Variants in BMPR2 observed in about 807,000 individuals in gnomAD.
The protein encoded by BMPR2 is bone morphogenetic protein receptor type-2.
BMPR2 carries 29 observed loss-of-function variants against 100.8 expected under a neutral mutation model. The ratio of observed to expected loss-of-function variants is 0.29; its 90% confidence interval spans 0.21 to 0.39. The LOEUF (loss-of-function observed/expected upper bound fraction) is 0.39. BMPR2 is among the 10% of genes least tolerant of loss of function. BMPR2 has a pLI of 1.00. For synonymous variants in BMPR2, 382 were observed against 442.3 expected, an observed-to-expected ratio of 0.86 and a Z score of 1.71; for missense variants, 1,011 against 1,274.5, an observed-to-expected ratio of 0.79 and a Z score of 3.15.
At chr2:202,494,355 C>G (rs1337690514) in intron 3 of BMPR2, among the ~76,000 whole-genome samples, 1 of 152,214 alleles carries the variant, frequency 6.6e-6, no homozygotes, top group Non-Finnish European at 1.5e-5. Flanking sequence ...TTAAGCTTCC[C>G]TTTGCTGCTT....
intron 7 of BMPR2, among the ~76,000 whole-genome samples, chr2:202,521,844 TATAAC>T (rs1161477822): frequency 3.9e-5 from 6 of 151,922 alleles, no homozygotes; most frequent in African/African-American, 7.3e-5. Context: ...AAGAAAAAAA[TATAAC>T]AGGAAGAATA....
chr2:202,442,238 A>G (rs1691762286), intron 1 of BMPR2, among the ~76,000 whole-genome samples: 1 of 150,240 alleles, frequency 6.7e-6, no homozygotes, highest in African/African-American at 2.5e-5. Flanking sequence ...TCTTGTACTC[A>G]TTAGCAGTTA....
chr2:202,542,213 A>G (rs1440983760), intron 9 of BMPR2, 98 bp from the exon 10 acceptor site: 13 of 1,415,884 alleles, frequency 9.2e-6, no homozygotes, highest in Non-Finnish European at 1.2e-5. Context: ...TTGTGACACA[A>G]TTTTTTTTGC....
intron 3 of BMPR2, among the ~76,000 whole-genome samples, chr2:202,501,889 C>G (rs183639678): frequency 1.3e-5 from 2 of 152,200 alleles, no homozygotes; most frequent in African/African-American, 2.4e-5. Context: ...AGACTTAGGC[C>G]GCCCGAGATG....
At position 202,555,623 on chromosome 2, in the gene BMPR2, C is replaced by T; in HGVS notation, c.1958C>T (p.Pro653Leu). The T allele has an allele frequency of 6.2e-7, 1 of 1,614,134 alleles. No individual in the cohort carries two copies. The highest frequency in any genetic ancestry group is 8.5e-7 in the Non-Finnish European group (1 of 1,180,028). ...TNVAQSIGPT[P>L]VCLQLTEEDL... Reference sequence around the variant, plus strand: ...GTTGCACAGTCAATTGGGCCAACCCCTGTCTGCTTACAGCTGACAGAAGAA... The same window carrying T: ...GTTGCACAGTCAATTGGGCCAACCCTTGTCTGCTTACAGCTGACAGAAGAA... Residue 653 changes from proline to leucine, a missense_variant, in exon 12 of 13, where the codon CCT (proline) becomes CTT (leucine). Physicochemically the swap from Pro to Leu is moderately conservative, Grantham distance 98. Coordinates refer to ENST00000374580, the MANE Select transcript of BMPR2 (RefSeq NM_001204.7).
At chr2:202,399,469 G>A (rs1692973754) in intron 1 of BMPR2, among the ~76,000 whole-genome samples, 1 of 152,194 alleles carries the variant, frequency 6.6e-6, no homozygotes, top group South Asian at 2.1e-4. Context: ...GGTTAGACAG[G>A]CAGGCAGGAG....
At chr2:202,508,730 C>A (rs998314281) in intron 3 of BMPR2, among the ~76,000 whole-genome samples, 1 of 152,202 alleles carries the variant, frequency 6.6e-6, no homozygotes, top group African/African-American at 2.4e-5. Flanking sequence ...CACTCCACTT[C>A]TGTATATAGT....
In BMPR2 at chr2:202,377,099, C is replaced by G. The variant is rs973904281; in HGVS notation, c.-376C>G. ...CGACCCCGGATCGAATCCCCGCCCT[C>G]CGCACCCTGGATATGTTTTCTCCCA... On this transcript the variant is annotated 5_prime_UTR_variant, in exon 1 of 13. Coordinates refer to ENST00000374580, the MANE Select transcript of BMPR2 (RefSeq NM_001204.7). 1.8e-6 allele frequency: 1 copy of G among 546,294 alleles called. No individual in the cohort carries two copies. Among genetic ancestry groups the G allele is most frequent in the African/African-American group, 1.9e-5 (1 of 52,030 alleles). 33.8% of individuals were successfully genotyped at this position (546,294 alleles called of 1,614,324 possible).
At chr2:202,506,570 G>A (rs1687524522) in intron 3 of BMPR2, among the ~76,000 whole-genome samples, 1 of 151,980 alleles carries the variant, frequency 6.6e-6, no homozygotes, top group Non-Finnish European at 1.5e-5. Flanking sequence ...GTCACGTTGG[G>A]GATTTAGGCT....
At chr2:202,548,626 C>T (rs1688417603) in intron 10 of BMPR2, among the ~76,000 whole-genome samples, 1 of 152,158 alleles carries the variant, frequency 6.6e-6, no homozygotes, top group Non-Finnish European at 1.5e-5. Flanking sequence ...CCATGAGATC[C>T]AACTTACGTT....
At chr2:202,556,823 G>A (rs1185447038) in intron 12 of BMPR2, among the ~76,000 whole-genome samples, 1 of 149,646 alleles carries the variant, frequency 6.7e-6, no homozygotes, top group Non-Finnish European at 1.5e-5. Flanking sequence ...GGTGGCTCAC[G>A]CCTGTAATCC....
At chr2:202,460,651 T>C (rs961511242) in intron 1 of BMPR2, among the ~76,000 whole-genome samples, 1 of 151,946 alleles carries the variant, frequency 6.6e-6, no homozygotes, top group Non-Finnish European at 1.5e-5. Flanking sequence ...ATGAGAACGA[T>C]AAAAGAGAAT....
intron 1 of BMPR2, among the ~76,000 whole-genome samples, chr2:202,418,704 C>T (rs906396168): frequency 3.3e-5 from 5 of 152,146 alleles, no homozygotes; most frequent in Non-Finnish European, 7.3e-5. Flanking sequence ...AAGGAAATGT[C>T]TGGGTTAAGA....
rs1045772236 is a variant in BMPR2, at chr2:202,376,663, A to G, written c.-812A>G. 6.8e-6 allele frequency among the ~76,000 whole-genome samples: 1 copy of G among 147,720 alleles called. No homozygotes were observed. The highest frequency in any genetic ancestry group is 1.5e-5 in the Non-Finnish European group (1 of 66,968). ...GCAAGATCGAGCCGCAGGAATAAAA[A>G]GCGAGGAAGGGAAGGGAGCGCCGCC... On this transcript the variant is annotated 5_prime_UTR_variant, in exon 1 of 13. Coordinates refer to ENST00000374580, the MANE Select transcript of BMPR2 (RefSeq NM_001204.7).
At chr2:202,551,495 G>T (rs1019951774) in intron 10 of BMPR2, among the ~76,000 whole-genome samples, 1 of 152,084 alleles carries the variant, frequency 6.6e-6, no homozygotes, top group Non-Finnish European at 1.5e-5. Flanking sequence ...CTGTACTCCA[G>T]CCTGGGCAAC....
chr2:202,411,345 G>T (rs966763613), intron 1 of BMPR2, among the ~76,000 whole-genome samples: 4 of 152,126 alleles, frequency 2.6e-5, no homozygotes, highest in Admixed American at 6.6e-5. Flanking sequence ...ATTTACAAAG[G>T]CACTCCAATG....
intron 1 of BMPR2, among the ~76,000 whole-genome samples, chr2:202,454,722 A>G (rs1692056953): frequency 6.6e-6 from 1 of 152,240 alleles, no homozygotes; most frequent in Admixed American, 6.5e-5. Context: ...TTTTGTTTAT[A>G]TATAGTGCTT....
intron 3 of BMPR2, among the ~76,000 whole-genome samples, chr2:202,486,222 A>G (rs1291400037): frequency 6.6e-6 from 1 of 152,248 alleles, no homozygotes; most frequent in Non-Finnish European, 1.5e-5. Context: ...TGGAAGGCAT[A>G]ATGTCATACA....
intron 9 of BMPR2, among the ~76,000 whole-genome samples, chr2:202,539,983 A>G (rs1433704207): frequency 6.6e-6 from 1 of 152,144 alleles, no homozygotes; most frequent in African/African-American, 2.4e-5. Context: ...CATGATGATG[A>G]TTTTTGTCAT....
Sources: gnomAD v4.1 joint callset for allele counts (sites outside exome capture counted in the v4.1 genomes callset) on GRCh38, gnomAD v4.1.1 for gene constraint, MANE v1.5 for transcripts, NCBI Gene and HGNC (gene_info 2026-07-23, HGNC 2026-07-21) for gene names.